SMIM13: variants seen among roughly 807,000 people sequenced by gnomAD.
SMIM13 encodes the protein small integral membrane protein 13, also known as UPF0766 protein C6orf228.
In SMIM13, 3 loss-of-function variants were observed where a neutral mutation model predicts 5.9. That is an observed-to-expected ratio of 0.51 (90% CI 0.23 to 1.31). The LOEUF (loss-of-function observed/expected upper bound fraction) is 1.31. Ranked by LOEUF, SMIM13 falls within the 40% of genes most tolerant of loss-of-function variation. SMIM13 has a pLI of 0.18. For synonymous variants in SMIM13, 55 were observed against 46.0 expected (o/e 1.19, Z -0.79); for missense variants, 85 against 109.9 (o/e 0.77, Z 1.01).
At chr6:11,112,433 A>G (rs973599772) in intron 1 of SMIM13, among the ~76,000 whole-genome samples, 5 of 152,122 alleles carry the variant, frequency 3.3e-5, no homozygotes, top group Admixed American at 2.6e-4. Context: ...TTGTATTTTT[A>G]GTAGAGACAA....
intron 1 of SMIM13, among the ~76,000 whole-genome samples, chr6:11,095,872 G>A (rs1057071975): frequency 1.3e-5 from 2 of 152,194 alleles, no homozygotes; most frequent in African/African-American, 4.8e-5. Context: ...ATGTTTGGAT[G>A]TGGGGAAGGA....
At chr6:11,107,395 G>T (rs1758103050) in intron 1 of SMIM13, among the ~76,000 whole-genome samples, 1 of 152,188 alleles carries the variant, frequency 6.6e-6, no homozygotes, top group Admixed American at 6.5e-5. Context: ...CAGTTCTCTT[G>T]TTGGGGAGCA....
At chr6:11,101,248 G>T (rs910432690) in intron 1 of SMIM13, among the ~76,000 whole-genome samples, 1 of 152,040 alleles carries the variant, frequency 6.6e-6, no homozygotes, top group Non-Finnish European at 1.5e-5. Flanking sequence ...TATGTTTAGC[G>T]TTGGACCTGG....
At chr6:11,120,312 A>G (rs150826293) in intron 1 of SMIM13, among the ~76,000 whole-genome samples, 77 of 152,286 alleles carry the variant, frequency 5.1e-4, no homozygotes, top group African/African-American at 1.8e-3. Context: ...ACGGAAGTTT[A>G]TTTCTCATGG....
At chr6:11,116,761 A>G (rs1758244797) in intron 1 of SMIM13, among the ~76,000 whole-genome samples, 2 of 152,080 alleles carry the variant, frequency 1.3e-5, no homozygotes, top group Admixed American at 1.3e-4. Context: ...AATTTTATTG[A>G]TCTTTTCCAA....
At position 11,099,807 on chromosome 6, in the gene SMIM13, T is replaced by C. The variant is rs144836684; in HGVS notation, c.76+5418T>C. 3.3e-5 allele frequency among the ~76,000 whole-genome samples: 5 copies of C among 152,274 alleles called. No homozygotes were observed. In the East Asian group the frequency reaches 9.7e-4, roughly 29 times the overall value. On this transcript the variant is annotated intron_variant, in intron 1 of 1. Coordinates refer to ENST00000416247, the MANE Select transcript of SMIM13 (RefSeq NM_001135575.2). ...TTTACAGACCTAAATAGCCACTATA[T>C]ATTTTTAGACATTATTAACCGTGGT...
At chr6:11,117,527 A>G (rs1053321249) in intron 1 of SMIM13, among the ~76,000 whole-genome samples, 1 of 151,698 alleles carries the variant, frequency 6.6e-6, no homozygotes, top group Non-Finnish European at 1.5e-5. Context: ...ATTTTTATTC[A>G]ATTCAAGATA....
chr6:11,116,886 G>T (rs561037922), intron 1 of SMIM13, among the ~76,000 whole-genome samples: 20 of 141,852 alleles, frequency 1.4e-4, no homozygotes, highest in Non-Finnish European at 3.1e-4. Flanking sequence ...AGTTTAATTT[G>T]TACTTCTTTT....
intron 1 of SMIM13, among the ~76,000 whole-genome samples, chr6:11,101,825 C>T (rs1475771941): frequency 6.6e-6 from 1 of 151,760 alleles, no homozygotes; most frequent in Non-Finnish European, 1.5e-5. Context: ...CTGCAACTTC[C>T]CCCTCCTGGG....
chr6:11,106,674 G>C (rs1311956428), intron 1 of SMIM13, among the ~76,000 whole-genome samples: 5 of 152,210 alleles, frequency 3.3e-5, no homozygotes, highest in Admixed American at 3.3e-4. Flanking sequence ...TGGGGAGAGA[G>C]ATGAGCAAGG....
chr6:11,122,040 C>T (rs527734806), intron 1 of SMIM13, among the ~76,000 whole-genome samples: 2 of 152,332 alleles, frequency 1.3e-5, no homozygotes, highest in South Asian at 4.1e-4. Context: ...CACTGCTAAT[C>T]TTTTTCTTCT....
intron 1 of SMIM13, among the ~76,000 whole-genome samples, chr6:11,116,376 A>G (rs1758240845): frequency 6.6e-6 from 1 of 152,208 alleles, no homozygotes; most frequent in Non-Finnish European, 1.5e-5. Flanking sequence ...ATTCAAGAGG[A>G]GGAGTCATAT....
intron 1 of SMIM13, among the ~76,000 whole-genome samples, chr6:11,133,140 A>C (rs1758472118): frequency 6.6e-6 from 1 of 152,140 alleles, no homozygotes; most frequent in African/African-American, 2.4e-5. Flanking sequence ...TCTTTCCACT[A>C]ATTCGCTCTG....
At chr6:11,116,916 ATCTTGGGT>A (rs1230642436) in intron 1 of SMIM13, among the ~76,000 whole-genome samples, 1 of 149,772 alleles carries the variant, frequency 6.7e-6, no homozygotes, top group African/African-American at 2.5e-5. Context: ...TTATGGGGAA[ATCTTGGGT>A]TATTGATTTT....
At chr6:11,118,382 C>T (rs1758268164) in intron 1 of SMIM13, among the ~76,000 whole-genome samples, 3 of 152,122 alleles carry the variant, frequency 2.0e-5, no homozygotes, top group African/African-American at 7.2e-5. Flanking sequence ...TGTAATGAAT[C>T]AATTGGTCAA....
At chr6:11,130,942 T>C (rs559019206) in intron 1 of SMIM13, among the ~76,000 whole-genome samples, 50 of 152,290 alleles carry the variant, frequency 3.3e-4, no homozygotes, top group African/African-American at 1.1e-3. Context: ...GTAGCCACTG[T>C]TGGAATCTTT....
intron 1 of SMIM13, among the ~76,000 whole-genome samples, chr6:11,115,963 G>T (rs1442998944): frequency 6.8e-6 from 1 of 147,798 alleles, no homozygotes. Flanking sequence ...CTGGGATTAC[G>T]GGCGTGAGCC....
chr6:11,113,347 T>G (rs1305833681), intron 1 of SMIM13, among the ~76,000 whole-genome samples: 12 of 152,246 alleles, frequency 7.9e-5, no homozygotes. Context: ...TATTATGCTT[T>G]TGATTTTTGT....
chr6:11,123,067 T>C (rs1758330988), intron 1 of SMIM13, among the ~76,000 whole-genome samples: 2 of 152,086 alleles, frequency 1.3e-5, no homozygotes, highest in African/African-American at 2.4e-5. Context: ...AAAACATCCA[T>C]GTCCTCTCAG....
Sources: gnomAD v4.1 joint callset for allele counts (sites outside exome capture counted in the v4.1 genomes callset) on GRCh38, gnomAD v4.1.1 for gene constraint, MANE v1.5 for transcripts, NCBI Gene and HGNC (gene_info 2026-07-23, HGNC 2026-07-21) for gene names.